The following DAB1 variants were observed in gnomAD, a reference collection of about 807,000 sequenced individuals.
The protein encoded by DAB1 is disabled homolog 1.
DAB1 carries 15 observed loss-of-function variants against 64.6 expected under a neutral mutation model. That is an observed-to-expected ratio of 0.23 (90% CI 0.16 to 0.36). DAB1 has a LOEUF of 0.36. Ranked by LOEUF, DAB1 falls within the 10% of genes least tolerant of loss-of-function variation. The pLI is 1.00. For missense variants in DAB1, 596 were observed against 706.7 expected, an observed-to-expected ratio of 0.84 and a Z score of 1.78; for synonymous variants, 235 against 251.9, an observed-to-expected ratio of 0.93 and a Z score of 0.64.
chr1:58,342,208 C>G (rs1643948036), intron 4 of DAB1, among the ~76,000 whole-genome samples: 1 of 152,164 alleles, frequency 6.6e-6, no homozygotes, highest in Non-Finnish European at 1.5e-5. Context: ...GACAGTAGCA[C>G]TTGAGTTTCT....
chr1:58,491,192 T>C (rs1645681478), intron 3 of DAB1, among the ~76,000 whole-genome samples: 2 of 151,974 alleles, frequency 1.3e-5, no homozygotes, highest in African/African-American at 2.4e-5. Context: ...AGAAATAAAA[T>C]ACTTTACAGA....
intron 6 of DAB1, among the ~76,000 whole-genome samples, chr1:57,715,546 G>A (rs1647074215): frequency 6.6e-6 from 1 of 152,148 alleles, no homozygotes; most frequent in African/African-American, 2.4e-5. Flanking sequence ...CGAAAACTCT[G>A]AAGACTCCAC....
At chr1:57,583,137 T>C (rs1349571270) in intron 7 of DAB1, among the ~76,000 whole-genome samples, 1 of 152,140 alleles carries the variant, frequency 6.6e-6, no homozygotes, top group Non-Finnish European at 1.5e-5. Context: ...TCTAGTTATG[T>C]TTACATAATA....
intron 7 of DAB1, among the ~76,000 whole-genome samples, chr1:57,636,149 A>G (rs1271327308): frequency 6.6e-6 from 1 of 151,590 alleles, no homozygotes; most frequent in East Asian, 1.9e-4. Context: ...TAAGAAAATG[A>G]AAACACTGGA....
chr1:58,158,434 G>A (rs1655333580), intron 4 of DAB1, among the ~76,000 whole-genome samples: 1 of 152,102 alleles, frequency 6.6e-6, no homozygotes, highest in African/African-American at 2.4e-5. Context: ...ATCAGTCCTG[G>A]CTTGTTCAAA....
Position 57,889,905 on chromosome 1 carries a change from G to C in DAB1, n.388-5743C>G, listed in dbSNP as rs777557782. ...ATGGTAGCACAAACTGGGGCGGGGG[G>C]GGGGGAGGGGGAAGAAATCACTGGA... is the stretch of plus-strand genomic sequence containing the variant. On this transcript the variant is annotated intron_variant and non_coding_transcript_variant, in intron 5 of 20. Coordinates refer to the DAB1 transcript ENST00000485760. 1.4e-3 allele frequency among the ~76,000 whole-genome samples: 183 copies of C among 128,662 alleles called. 5 individuals carry two copies. The East Asian group carries it at 0.031, about 22-fold the overall frequency. 84.4% of individuals were successfully genotyped at this position (128,662 alleles called of 152,430 possible).
At chr1:57,652,251 T>A (rs1318595359) in intron 6 of DAB1, among the ~76,000 whole-genome samples, 1 of 152,182 alleles carries the variant, frequency 6.6e-6, no homozygotes, top group African/African-American at 2.4e-5. Flanking sequence ...TGGCTCCACC[T>A]GGACCCAACA....
intron 6 of DAB1, among the ~76,000 whole-genome samples, chr1:57,781,869 G>C (rs1188063827): frequency 6.6e-6 from 1 of 152,092 alleles, no homozygotes; most frequent in East Asian, 1.9e-4. Context: ...TGATTCAAAT[G>C]TCTTCAAGGT....
intron 5 of DAB1, among the ~76,000 whole-genome samples, chr1:58,113,647 A>G (rs1652124296): frequency 6.6e-6 from 1 of 152,154 alleles, no homozygotes; most frequent in Non-Finnish European, 1.5e-5. Flanking sequence ...GGTAATTAAC[A>G]CACTCCCTAA....
intron 6 of DAB1, among the ~76,000 whole-genome samples, chr1:57,666,377 T>C (rs1646447538): frequency 6.6e-6 from 1 of 152,162 alleles, no homozygotes; most frequent in African/African-American, 2.4e-5. Context: ...TACAACAAAT[T>C]GGGGCCAAAT....
intron 3 of DAB1, among the ~76,000 whole-genome samples, chr1:58,460,119 C>A (rs369022172): frequency 7.9e-5 from 12 of 152,152 alleles, no homozygotes; most frequent in African/African-American, 2.9e-4. Flanking sequence ...GGGCTAAGTG[C>A]CCAGAGCTCC....
intron 4 of DAB1, among the ~76,000 whole-genome samples, chr1:57,127,713 A>G (rs974297228): frequency 1.3e-5 from 2 of 152,212 alleles, no homozygotes; most frequent in African/African-American, 4.8e-5. Context: ...AACCTTCCTG[A>G]GTCTTAGTCA....
chr1:58,540,944 T>A (rs1291271642), intron 1 of DAB1, among the ~76,000 whole-genome samples: 1 of 151,850 alleles, frequency 6.6e-6, no homozygotes, highest in Non-Finnish European at 1.5e-5. Context: ...ACAAGGCACA[T>A]AACTTCTTAA....
intron 3 of DAB1, among the ~76,000 whole-genome samples, chr1:58,420,712 T>C (rs1644763555): frequency 1.3e-5 from 2 of 152,294 alleles, no homozygotes; most frequent in Admixed American, 1.3e-4. Context: ...GTTTGCATGA[T>C]CCAGGCTTTG....
intron 7 of DAB1, among the ~76,000 whole-genome samples, chr1:57,520,183 G>A (rs1415835886): frequency 6.6e-6 from 1 of 152,096 alleles, no homozygotes; most frequent in East Asian, 1.9e-4. Flanking sequence ...CACTTAGCAT[G>A]GTGACTGGAG....
intron 4 of DAB1, among the ~76,000 whole-genome samples, chr1:58,282,422 C>T (rs1161229489): frequency 1.3e-5 from 2 of 152,174 alleles, no homozygotes; most frequent in South Asian, 2.1e-4. Flanking sequence ...CACATCATTT[C>T]CTTTCCCTAT....
intron 9 of DAB1, chr1:57,033,334 T>C: frequency 2.6e-6 from 4 of 1,561,214 alleles, no homozygotes; most frequent in South Asian, 2.2e-5. Context: ...GAATATGGAA[T>C]GCATGAGTAT....
intron 2 of DAB1, among the ~76,000 whole-genome samples, chr1:57,250,048 C>T (rs558135514): frequency 1.9e-3 from 292 of 152,282 alleles, no homozygotes; most frequent in Non-Finnish European, 3.3e-3. Flanking sequence ...TCAGGACTGG[C>T]ACACAAATAA....
intron 6 of DAB1, among the ~76,000 whole-genome samples, chr1:57,784,676 G>C (rs916568804): frequency 6.6e-6 from 1 of 152,184 alleles, no homozygotes; most frequent in Admixed American, 6.5e-5. Context: ...AGAAGCTGCA[G>C]AAGAAAAGTT....
Sources: gnomAD v4.1 joint callset for allele counts (sites outside exome capture counted in the v4.1 genomes callset) on GRCh38, gnomAD v4.1.1 for gene constraint, MANE v1.5 for transcripts, NCBI Gene and HGNC (gene_info 2026-07-23, HGNC 2026-07-21) for gene names.